TACR3: variants seen among roughly 807,000 people sequenced by gnomAD.
The protein encoded by TACR3 is neuromedin-K receptor.
In TACR3, 34 loss-of-function variants were observed where a neutral mutation model predicts 35.0. The observed-to-expected ratio is 0.97, with a 90% confidence interval of 0.74 to 1.30. The LOEUF is 1.30. Ranked by LOEUF, TACR3 falls within the 50% of genes most tolerant of loss-of-function variation. The pLI is 0.00. For missense variants in TACR3, 558 were observed against 591.7 expected (o/e 0.94, Z 0.59); for synonymous variants, 233 against 221.1 (o/e 1.05, Z -0.48).
intron 1 of TACR3, among the ~76,000 whole-genome samples, chr4:103,672,069 C>A (rs1038824914): frequency 6.6e-6 from 1 of 152,044 alleles, no homozygotes; most frequent in Non-Finnish European, 1.5e-5. Context: ...TTTAAATAAA[C>A]CACTTTCTTT....
At chr4:103,611,484 A>C (rs915419646) in intron 3 of TACR3, among the ~76,000 whole-genome samples, 13 of 152,184 alleles carry the variant, frequency 8.5e-5, no homozygotes, top group African/African-American at 2.9e-4. Context: ...TAAGGTACAC[A>C]CAGTTGCCTC....
intron 3 of TACR3, among the ~76,000 whole-genome samples, chr4:103,630,304 A>C (rs536713381): frequency 3.9e-5 from 6 of 152,364 alleles, no homozygotes; most frequent in African/African-American, 1.4e-4. Context: ...TAAAACACCA[A>C]AAGCAATGGC....
In TACR3 at chr4:103,594,101, T is replaced by C. The variant is rs147620248; in HGVS notation, c.889-2418A>G. ...TTTTCATTTAAGATGGACATGTGTA[T>C]GTAAAATAAGCATGGAATTTACTGC... is the stretch of plus-strand genomic sequence containing the variant. On this transcript the variant is annotated intron_variant, in intron 3 of 4. Transcript: ENST00000304883. Among the ~76,000 whole-genome samples, 9 of 152,284 alleles carry C rather than the reference T, an allele frequency of 5.9e-5. No homozygotes were observed. The East Asian group carries it at 1.5e-3, about 26-fold the overall frequency.
At chr4:103,691,825 C>A (rs569949044) in intron 1 of TACR3, among the ~76,000 whole-genome samples, 3 of 152,324 alleles carry the variant, frequency 2.0e-5, no homozygotes, top group African/African-American at 7.2e-5. Flanking sequence ...AGTTAACTAG[C>A]CCAACCTATT....
intron 3 of TACR3, among the ~76,000 whole-genome samples, chr4:103,614,368 A>AT (rs34472683): frequency 0.22 from 32,780 of 151,630 alleles, 3,714 homozygotes; most frequent in Middle Eastern, 0.33. Flanking sequence ...AAACTGACAG[A>AT]TTTTTTTTTC....
In TACR3 at chr4:103,688,487, G is replaced by A. The variant is rs1441889933; in HGVS notation, c.549-30084C>T. Among the ~76,000 whole-genome samples, 59 of 150,170 alleles carry A rather than the reference G, an allele frequency of 3.9e-4. No individual in the cohort carries two copies. In the East Asian group the frequency reaches 4.7e-3, roughly 12 times the overall value. On this transcript the variant is annotated intron_variant, in intron 1 of 4. Coordinates refer to ENST00000304883, the MANE Select transcript of TACR3 (RefSeq NM_001059.3). ...ACCCACAAAATGGGAGAAAATTTTC[G>A]CAACCTACTCATCTGACAAAGGGCT...
chr4:103,683,838 G>C (rs545987871), intron 1 of TACR3, among the ~76,000 whole-genome samples: 7 of 122,030 alleles, frequency 5.7e-5, no homozygotes, highest in Non-Finnish European at 9.1e-5. Flanking sequence ...AGAAGAGAGA[G>C]AAGGAGAGAG....
rs115141215 is a variant in TACR3 at position 103,685,794 on chromosome 4, T to G, written c.549-27391A>C. ...AACAAAGGCCATATAAGTTAACAAGTATTCATTAAGGGTAGTTAATCTCTG... is the reference window on the plus strand; with the variant it reads ...AACAAAGGCCATATAAGTTAACAAGGATTCATTAAGGGTAGTTAATCTCTG... On this transcript the variant is annotated intron_variant, in intron 1 of 4. Transcript: ENST00000304883. Among the ~76,000 whole-genome samples, 318 of 152,256 alleles carry G rather than the reference T, an allele frequency of 2.1e-3. 2 individuals carry two copies. Among genetic ancestry groups the G allele is most frequent in the African/African-American group, 7.3e-3 (305 of 41,556 alleles).
At chr4:103,626,734 G>A (rs1017489186) in intron 3 of TACR3, among the ~76,000 whole-genome samples, 2 of 152,140 alleles carry the variant, frequency 1.3e-5, no homozygotes, top group Non-Finnish European at 2.9e-5. Flanking sequence ...TTTCAGTATA[G>A]TTTAAGGTTA....
rs147808176 is a variant in TACR3 at position 103,663,816 on chromosome 4, G to A, written c.549-5413C>T. Among the ~76,000 whole-genome samples the A allele has an allele frequency of 5.0e-3, 757 of 152,314 alleles. 10 individuals are homozygous for A. Among genetic ancestry groups the A allele is most frequent in the African/African-American group, 0.017 (725 of 41,574 alleles). On this transcript the variant is annotated intron_variant, in intron 1 of 4. Transcript: ENST00000304883. ...AACAATAATTTGCGTGGAGAGGATGGATATTTAGGTTCACCTGAACAAACA... is the reference window on the plus strand; with the variant it reads ...AACAATAATTTGCGTGGAGAGGATGAATATTTAGGTTCACCTGAACAAACA...
chr4:103,691,680 C>G (rs1722404153), intron 1 of TACR3, among the ~76,000 whole-genome samples: 1 of 152,122 alleles, frequency 6.6e-6, no homozygotes, highest in Admixed American at 6.6e-5. Context: ...AATGCCCAAG[C>G]TGGAAGGTTG....
At chr4:103,716,805 G>T (rs182416064) in intron 1 of TACR3, among the ~76,000 whole-genome samples, 139 of 152,290 alleles carry the variant, frequency 9.1e-4, no homozygotes, top group Non-Finnish European at 1.4e-3. Flanking sequence ...TTTATATTCA[G>T]TGGGGATAGA....
At chr4:103,686,864 G>C (rs1047873956) in intron 1 of TACR3, among the ~76,000 whole-genome samples, 12 of 152,036 alleles carry the variant, frequency 7.9e-5, no homozygotes, top group African/African-American at 2.9e-4. Context: ...CCAATCAATA[G>C]AAAAAGAGGG....
rs1458493190 is a variant in TACR3, at chr4:103,589,316, A to G, written c.*366T>C. 1.1e-5 allele frequency: 2 copies of G among 186,970 alleles called. No individual in the cohort carries two copies. The highest frequency in any genetic ancestry group is 4.7e-5 in the African/African-American group (2 of 42,390). 11.6% of individuals were successfully genotyped at this position (186,970 alleles called of 1,614,324 possible). ...CCTTCACTTACAATATTATGTTTTA[A>G]AGATTCTTTAATCTCTTGGAAAAAC... On this transcript the variant is annotated 3_prime_UTR_variant, in exon 5 of 5. Transcript: ENST00000304883.
chr4:103,622,075 T>C (rs1381332486), intron 3 of TACR3, among the ~76,000 whole-genome samples: 3 of 152,124 alleles, frequency 2.0e-5, no homozygotes, highest in Admixed American at 6.5e-5. Flanking sequence ...ACCAATGCCA[T>C]GGACAGGGAG....
chr4:103,686,126 A>G (rs1477666751), intron 1 of TACR3, among the ~76,000 whole-genome samples: 1 of 152,206 alleles, frequency 6.6e-6, no homozygotes, highest in African/African-American at 2.4e-5. Context: ...GAGACAGTCA[A>G]GTAAGGCTCT....
intron 1 of TACR3, among the ~76,000 whole-genome samples, chr4:103,661,451 T>C (rs765001699): frequency 1.1e-4 from 17 of 152,252 alleles, no homozygotes; most frequent in Non-Finnish European, 2.1e-4. Context: ...TCAAATCTCA[T>C]TATAATCTTT....
rs575823180 is a variant in TACR3, at chr4:103,638,466, C to A, written c.888+17728G>T. On this transcript the variant is annotated intron_variant, in intron 3 of 4. Coordinates refer to ENST00000304883, the MANE Select transcript of TACR3 (RefSeq NM_001059.3). ...AAGATGGATTAAAGACTTACATGTT[C>A]GACCTAAAACCATAAAAACCCTAGA... is the stretch of plus-strand genomic sequence containing the variant. Among the ~76,000 whole-genome samples, 1,226 of 151,134 alleles carry A rather than the reference C, an allele frequency of 8.1e-3. 15 individuals carry two copies. The highest frequency in any genetic ancestry group is 0.029 in the African/African-American group (1,165 of 40,684).
chr4:103,627,023 A>AT (rs946345672), intron 3 of TACR3, among the ~76,000 whole-genome samples: 3 of 150,696 alleles, frequency 2.0e-5, no homozygotes, highest in African/African-American at 7.3e-5. Context: ...AAATAAATAA[A>AT]AAAAAAAAAT....
Sources: allele counts gnomAD v4.1 joint callset (sites outside exome capture counted in the v4.1 genomes callset), GRCh38; gene constraint gnomAD v4.1.1; transcripts MANE v1.5; gene names NCBI Gene and HGNC (gene_info 2026-07-23, HGNC 2026-07-21).